SLC25A48: variants seen among roughly 807,000 people sequenced by gnomAD.
The protein encoded by SLC25A48 is solute carrier family 25 member 48.
In SLC25A48, 29 loss-of-function variants were observed where a neutral mutation model predicts 32.2. The observed-to-expected ratio is 0.90, with a 90% CI of 0.67 to 1.23. The LOEUF (loss-of-function observed/expected upper bound fraction) is 1.23. SLC25A48 is among the 50% of genes most tolerant of loss of function. The pLI, the probability that SLC25A48 is intolerant of heterozygous loss-of-function variation, is 0.00. For synonymous variants in SLC25A48, 164 were observed against 172.3 expected (o/e 0.95, Z 0.38); for missense variants, 399 against 422.7 (o/e 0.94, Z 0.49).
chr5:135,763,662 G>T (rs1756120249), intron 3 of SLC25A48, among the ~76,000 whole-genome samples: 1 of 151,966 alleles, frequency 6.6e-6, no homozygotes. Flanking sequence ...CTTATGGCAG[G>T]CAGGAAACTT....
intron 4 of SLC25A48, among the ~76,000 whole-genome samples, chr5:135,814,861 G>T (rs1757677020): frequency 6.6e-6 from 1 of 152,244 alleles, no homozygotes; most frequent in Non-Finnish European, 1.5e-5. Flanking sequence ...GGGCATGAAG[G>T]CCTAGTGAGG....
chr5:135,674,964 A>C (rs559877820), intron 3 of SLC25A48, among the ~76,000 whole-genome samples: 2 of 151,686 alleles, frequency 1.3e-5, no homozygotes, highest in Non-Finnish European at 2.9e-5. Flanking sequence ...AGCAGTTTAC[A>C]TTCCCACAAA....
At chr5:135,756,374 A>T (rs1755905178) in intron 3 of SLC25A48, among the ~76,000 whole-genome samples, 1 of 152,096 alleles carries the variant, frequency 6.6e-6, no homozygotes, top group Middle Eastern at 3.2e-3. Flanking sequence ...ATACCTAGTG[A>T]TAACACACTA....
chr5:135,623,420 T>C (rs1561762535), intron 1 of SLC25A48, among the ~76,000 whole-genome samples: 1 of 152,168 alleles, frequency 6.6e-6, no homozygotes, highest in Admixed American at 6.5e-5. Flanking sequence ...AAATGGATGA[T>C]AGCATCTGCC....
chr5:135,735,710 G>T (rs1755343875), intron 3 of SLC25A48, among the ~76,000 whole-genome samples: 1 of 152,158 alleles, frequency 6.6e-6, no homozygotes, highest in South Asian at 2.1e-4. Context: ...GATTGGGCCA[G>T]AGAAAAAATT....
At chr5:135,715,175 C>T (rs376750561) in intron 3 of SLC25A48, among the ~76,000 whole-genome samples, 10 of 152,006 alleles carry the variant, frequency 6.6e-5, no homozygotes, top group South Asian at 2.1e-4. Context: ...TGAGCCACTT[C>T]GAAAAAAACA....
chr5:135,791,964 G>A (rs1237531534), intron 3 of SLC25A48, among the ~76,000 whole-genome samples: 1 of 151,524 alleles, frequency 6.6e-6, no homozygotes, highest in Non-Finnish European at 1.5e-5. Context: ...GTACACACAC[G>A]GTGTACACAC....
chr5:135,729,277 G>A (rs1755170606), intron 3 of SLC25A48, among the ~76,000 whole-genome samples: 1 of 152,066 alleles, frequency 6.6e-6, no homozygotes, highest in African/African-American at 2.4e-5. Flanking sequence ...TTTCTGGGAA[G>A]CTTGTTAAAA....
chr5:135,746,687 A>G (rs188839372), intron 3 of SLC25A48, among the ~76,000 whole-genome samples: 9 of 152,292 alleles, frequency 5.9e-5, no homozygotes, highest in African/African-American at 1.9e-4. Context: ...TCATGACCTC[A>G]GTGTCATTTT....
Position 135,646,208 on chromosome 5 carries a change from G to A in SLC25A48, c.-521+11252G>A, listed in dbSNP as rs76449913. 7.0e-3 allele frequency among the ~76,000 whole-genome samples: 1,062 copies of A among 152,286 alleles called. 12 individuals carry two copies. Among genetic ancestry groups the A allele is most frequent in the African/African-American group, 0.024 (1,010 of 41,562 alleles). On this transcript the variant is annotated intron_variant, in intron 3 of 10. Coordinates refer to the SLC25A48 transcript ENST00000646290. ...GGATTTGCACACTGCAGGCAGGGGT[G>A]TTGGTGGCATTCTCACTGAGGACGC...
At chr5:135,792,006 A>G (rs911330390) in intron 3 of SLC25A48, among the ~76,000 whole-genome samples, 1 of 151,852 alleles carries the variant, frequency 6.6e-6, no homozygotes, top group Non-Finnish European at 1.5e-5. Context: ...TTAGGAAGAT[A>G]TAACTCCTAA....
At chr5:135,634,668 C>G (rs1007022560) in intron 2 of SLC25A48, 4 of 152,234 alleles carry the variant, frequency 2.6e-5, no homozygotes, top group Admixed American at 2.6e-4. Flanking sequence ...TTTAGAAAGG[C>G]CTTCTGGAGG....
At chr5:135,795,449 G>A (rs1181295541) in intron 3 of SLC25A48, among the ~76,000 whole-genome samples, 2 of 151,750 alleles carry the variant, frequency 1.3e-5, no homozygotes, top group Non-Finnish European at 2.9e-5. Flanking sequence ...GGGAGAGAGG[G>A]GATGGTATTA....
chr5:135,776,924 CT>C (rs1227672041), intron 3 of SLC25A48, among the ~76,000 whole-genome samples: 1 of 151,872 alleles, frequency 6.6e-6, no homozygotes, highest in Non-Finnish European at 1.5e-5. Context: ...ATTGCAGGGG[CT>C]GCACAGGCTC....
chr5:135,868,793 T>A (rs2126795948), intron 4 of SLC25A48, among the ~76,000 whole-genome samples: 1 of 152,340 alleles, frequency 6.6e-6, no homozygotes, highest in Non-Finnish European at 1.5e-5. Context: ...CAGGTGTTTT[T>A]GCAACATCTG....
At chr5:135,631,821 T>C (rs535075802) in intron 2 of SLC25A48, among the ~76,000 whole-genome samples, 1 of 152,330 alleles carries the variant, frequency 6.6e-6, no homozygotes, top group East Asian at 1.9e-4. Context: ...TGCCACATGA[T>C]TTAAAGAGTT....
intron 1 of SLC25A48, among the ~76,000 whole-genome samples, chr5:135,614,454 G>A (rs1281363081): frequency 6.6e-6 from 1 of 152,092 alleles, no homozygotes; most frequent in Admixed American, 6.5e-5. Context: ...GTACTGTGTT[G>A]AATACGAGTG....
intron 3 of SLC25A48, among the ~76,000 whole-genome samples, chr5:135,676,875 C>G (rs1753783755): frequency 6.6e-6 from 1 of 152,038 alleles, no homozygotes; most frequent in African/African-American, 2.4e-5. Flanking sequence ...TGTCTTAACA[C>G]ATGGTTCATC....
chr5:135,686,115 G>T (rs1276670318), intron 3 of SLC25A48, among the ~76,000 whole-genome samples: 2 of 152,084 alleles, frequency 1.3e-5, no homozygotes, highest in African/African-American at 2.4e-5. Context: ...GGCAGCCCTG[G>T]GTTCAAATCT....
Sources: allele counts gnomAD v4.1 joint callset (sites outside exome capture counted in the v4.1 genomes callset), GRCh38; gene constraint gnomAD v4.1.1; transcripts MANE v1.5; gene names NCBI Gene and HGNC (gene_info 2026-07-23, HGNC 2026-07-21).